COMP: variants seen among roughly 807,000 people sequenced by gnomAD.
The protein encoded by COMP is cartilage oligomeric matrix protein.
In COMP, 79 loss-of-function variants were observed where a neutral mutation model predicts 95.8. The ratio of observed to expected loss-of-function variants is 0.82; its 90% CI spans 0.69 to 0.99. The LOEUF (loss-of-function observed/expected upper bound fraction) is 0.99. Among genes scored for constraint, COMP ranks in the 50% least tolerant of loss-of-function variants. COMP has a pLI of 0.00. For missense variants in COMP, 906 were observed against 1,076.1 expected, an observed-to-expected ratio of 0.84 and a Z score of 2.21; for synonymous variants, 438 against 433.9, an observed-to-expected ratio of 1.01 and a Z score of -0.12.
At chr19:18,783,247 C>A in intron 17 of COMP, 54 bp from the exon 18 acceptor site, 1 of 1,591,748 alleles carries the variant, frequency 6.3e-7, no homozygotes. Flanking sequence ...CCTTCCCTCT[C>A]AGAGCTTCAG....
At position 18,782,965 on chromosome 19, in the gene COMP, C is replaced by T. The variant is rs1239668948; in HGVS notation, c.2228-4G>A. 2 of 1,612,608 alleles carry T rather than the reference C, an allele frequency of 1.2e-6. No homozygotes were observed. Among genetic ancestry groups the T allele is most frequent in the Non-Finnish European group, 8.5e-7 (1 of 1,179,998 alleles). On this transcript the variant is annotated splice_region_variant and splice_polypyrimidine_tract_variant and intron_variant, in intron 18 of 18. Coordinates refer to ENST00000222271, the MANE Select transcript of COMP (RefSeq NM_000095.3). ...TCATAGTCCTCTGGGATGGTGTCTGCAGGGAGAGGGCAGGCGGGTGAGGGC... is the reference window on the plus strand; with the variant it reads ...TCATAGTCCTCTGGGATGGTGTCTGTAGGGAGAGGGCAGGCGGGTGAGGGC...
rs2145905313 is a variant in COMP, at chr19:18,790,439, C to T, written c.217+123G>A. ...ATCCCATTCCCGTTCGTCCGTCCAC[C>T]TCTCCGTCAGCCTCCATCTCCTTCC... On this transcript the variant is annotated intron_variant, in intron 3 of 18. Coordinates refer to ENST00000222271, the MANE Select transcript of COMP (RefSeq NM_000095.3). The T allele has an allele frequency of 3.9e-6, 5 of 1,270,150 alleles. No individual in the cohort carries two copies. In the South Asian group the frequency reaches 5.9e-5, roughly 15 times the overall value. 78.7% of individuals were successfully genotyped at this position (1,270,150 alleles called of 1,614,324 possible).
At chr19:18,787,455 C>A in intron 10 of COMP, 36 bp downstream of exon 10, 4 of 1,606,064 alleles carry the variant, frequency 2.5e-6, no homozygotes, top group Non-Finnish European at 3.4e-6. Flanking sequence ...CGGTGCCCGC[C>A]GCCTCTCCTC....
Position 18,784,230 on chromosome 19 carries a change from C to A in COMP, c.2048G>T (p.Arg683Leu), listed in dbSNP as rs565459602. Residue 683 changes from arginine to leucine, a missense_variant, in exon 17 of 19, where the codon CGT becomes CTT. Transcript: ENST00000222271. The surrounding 1 kb of genome is among the most constrained non-coding windows in gnomAD (Gnocchi z 4.9). ...NVGWKDKKSY[R>L]WFLQHRPQVG... Reference sequence around the variant, plus strand: ...TTGGGGCCGGTGCTGCAGGAACCAACGATAGGACTTCTTGTCCTTCCAACC... The same window carrying A: ...TTGGGGCCGGTGCTGCAGGAACCAAAGATAGGACTTCTTGTCCTTCCAACC... 1.8e-5 allele frequency: 29 copies of A among 1,613,952 alleles called. No individual in the cohort carries two copies. Among genetic ancestry groups the A allele is most frequent in the Non-Finnish European group, 2.5e-5 (29 of 1,180,050 alleles).
rs763334255 is a variant in COMP, at chr19:18,784,180, G to A, written c.2087+11C>T. On this transcript the variant is annotated intron_variant, in intron 17 of 18. Coordinates refer to ENST00000222271, the MANE Select transcript of COMP (RefSeq NM_000095.3). This position sits in a 1 kb window ranked among gnomAD's most constrained non-coding sequence, Gnocchi z 4.9. The stretch of plus-strand genomic sequence containing the variant: ...CCCAGCCCAGCCCACCACAGAGGGT[G>A]GAGTCCCCACCTGATGTAGCCCACT... 3.0e-5 allele frequency: 48 copies of A among 1,612,910 alleles called. 1 individual carries two copies. In the Admixed American group the frequency reaches 7.3e-4, roughly 25 times the overall value.
intron 3 of COMP, 59 bp downstream of exon 3, chr19:18,790,503 C>T (rs1008943392): frequency 6.2e-7 from 1 of 1,604,138 alleles, no homozygotes; most frequent in Non-Finnish European, 8.5e-7. Flanking sequence ...CTCTCTGTCT[C>T]TGTCTCTGTG....
At chr19:18,787,874 C>CTTTTTCTT in intron 9 of COMP, among the ~76,000 whole-genome samples, 1 of 11,958 alleles carries the variant, frequency 8.4e-5, no homozygotes, top group South Asian at 1.8e-3. Context: ...CTCTTTCTTT[C>CTTTTTCTT]TTTCTTTCTT....
rs1278395379 is a variant in COMP at position 18,790,832 on chromosome 19, C to G, written c.165+18G>C. 6.4e-7 allele frequency: 1 copy of G among 1,554,016 alleles called. No homozygotes were observed. The highest frequency in any genetic ancestry group is 8.7e-7 in the Non-Finnish European group (1 of 1,152,730). ...TTCCGTTCCCTGGCACTCCCTGCCC[C>G]GCACCCGGGCCCCGCACCTGCTGCC... On this transcript the variant is annotated intron_variant, in intron 2 of 18. Transcript: ENST00000222271.
rs56093208 is a variant in COMP, at chr19:18,787,864, C to CTTTTTCTTTTTCTTTTTCTT, written c.976-215_976-214insAAGAAAAAGAAAAAGAAAAA. 1.2e-3 allele frequency among the ~76,000 whole-genome samples: 128 copies of CTTTTTCTTTTTCTTTTTCTT among 108,890 alleles called. 5 individuals are homozygous for CTTTTTCTTTTTCTTTTTCTT. The highest frequency in any genetic ancestry group is 2.4e-3 in the African/African-American group (68 of 28,716). The allele number at this position is 108,890 out of a possible 152,430, so 71.4% of individuals were successfully genotyped here. A position where few individuals can be genotyped will look rare whatever the true frequency, so the allele number is the denominator to read the frequency against. Reference sequence around the variant, plus strand: ...TCTTTTCTTTTTTCTTTTTCTTTTTCTCTTTCTTTCTTTCTTTCTTTCTTT... The same window carrying CTTTTTCTTTTTCTTTTTCTT: ...TCTTTTCTTTTTTCTTTTTCTTTTTCTTTTTCTTTTTCTTTTTCTTTCTTTCTTTCTTTCTTTCTTTCTTT... On this transcript the variant is annotated intron_variant, in intron 9 of 18. Transcript: ENST00000222271.
In COMP at chr19:18,788,839, C is replaced by G. The variant is rs746701204; in HGVS notation, c.603G>C (p.Arg201=). The change falls in exon 6 of 19, where the codon CGG becomes CGC. Residue 201 remains arginine (R), a splice_region_variant and synonymous_variant. Coordinates refer to ENST00000222271, the MANE Select transcript of COMP (RefSeq NM_000095.3). This position sits in a 1 kb window ranked among gnomAD's most constrained non-coding sequence, Gnocchi z 4.7. Reference sequence around the variant, plus strand: ...TTTCTTCCTCCCCAGCGGGCCTTACCCGGGTGTTGATGCACACGGAGTTGG... The same window carrying G: ...TTTCTTCCTCCCCAGCGGGCCTTACGCGGGTGTTGATGCACACGGAGTTGG... ...CVPNSVCINT[R]GSFQCGPCQP... 4.3e-6 allele frequency: 7 copies of G among 1,613,774 alleles called. No homozygotes were observed. Among genetic ancestry groups the G allele is most frequent in the Non-Finnish European group, 5.9e-6 (7 of 1,179,976 alleles).
At position 18,790,677 on chromosome 19, in the gene COMP, C is replaced by G. The variant is rs980312788; in HGVS notation, c.166-64G>C. 1.4e-5 allele frequency: 23 copies of G among 1,613,230 alleles called. No individual in the cohort carries two copies. In the African/African-American group the frequency reaches 1.7e-4, roughly 12 times the overall value. On this transcript the variant is annotated intron_variant, in intron 2 of 18. Coordinates refer to ENST00000222271, the MANE Select transcript of COMP (RefSeq NM_000095.3). ...TCCTCATCCCTCGGGTCTCCCCTCTCTCTACCCCGGGGTCCCTTTCTACAG... is the reference window on the plus strand; with the variant it reads ...TCCTCATCCCTCGGGTCTCCCCTCTGTCTACCCCGGGGTCCCTTTCTACAG...
rs867144123 is a variant in COMP, at chr19:18,789,516, G to C, written c.391-219C>G. Among the ~76,000 whole-genome samples, 1 of 152,222 alleles carries C rather than the reference G, an allele frequency of 6.6e-6. No individual in the cohort carries two copies. Among genetic ancestry groups the C allele is most frequent in the South Asian group, 2.1e-4 (1 of 4,820 alleles). On this transcript the variant is annotated intron_variant, in intron 4 of 18. Coordinates refer to ENST00000222271, the MANE Select transcript of COMP (RefSeq NM_000095.3). The surrounding 1 kb of genome is among the most constrained non-coding windows in gnomAD (Gnocchi z 6.1). ...GGAGAGCTGTTCCCTCATGGGCGAG[G>C]GGAGGAAGGATGAGGGCGGGCATCC... is the stretch of plus-strand genomic sequence containing the variant.
Position 18,791,274 on chromosome 19 carries a change from G to C in COMP, c.-5C>G. ...GCAGGCGGTGTCGGGGACCATGGCG[G>C]TGGCGGGGAGCTGGGTGGCTGCTCG... On this transcript the variant is annotated 5_prime_UTR_variant, in exon 1 of 19. Coordinates refer to ENST00000222271, the MANE Select transcript of COMP (RefSeq NM_000095.3). 6.3e-7 allele frequency: 1 copy of C among 1,590,234 alleles called. No homozygotes were observed. The highest frequency in any genetic ancestry group is 1.3e-5 in the African/African-American group (1 of 74,920).
At position 18,788,356 on chromosome 19, in the gene COMP, A is replaced by G; in HGVS notation, c.868-37T>C. The G allele has an allele frequency of 6.2e-7, 1 of 1,607,618 alleles. No homozygotes were observed. The highest frequency in any genetic ancestry group is 1.1e-5 in the South Asian group (1 of 90,986). ...CACAGAAGGTGTGAGGGGCGCGGTC[A>G]TGAAGTCCCGCCCTCCCTCCTGCCC... is the stretch of plus-strand genomic sequence containing the variant. On this transcript the variant is annotated intron_variant, in intron 8 of 18. Coordinates refer to ENST00000222271, the MANE Select transcript of COMP (RefSeq NM_000095.3). This position sits in a 1 kb window ranked among gnomAD's most constrained non-coding sequence, Gnocchi z 4.7.
intron 11 of COMP, 47 bp downstream of exon 11, chr19:18,786,485 C>T: frequency 1.3e-6 from 2 of 1,556,578 alleles, no homozygotes; most frequent in Non-Finnish European, 1.8e-6. Flanking sequence ...ATCCAACTTG[C>T]AGTTCACCCA....
chr19:18,790,492 GCT>G (rs2055204925), intron 3 of COMP, 68 bp downstream of exon 3: 2 of 1,589,358 alleles, frequency 1.3e-6, no homozygotes, highest in African/African-American at 1.3e-5. Flanking sequence ...GCTTTCCCTG[GCT>G]CTCTGTCTCT....
chr19:18,786,047 G>A lies in COMP; in HGVS notation c.1407C>T (p.Asp469=), dbSNP rs761508334. ...SDHDGQGDAC[D]DDDDNDGVPD... ...GGACTCCGTCATTGTCGTCGTCGTC[G>A]TCGCAGGCATCACCCTGGCCATCGT... Residue 469 remains aspartate, a synonymous_variant, in exon 13 of 19, where the codon GAC becomes GAT. Coordinates refer to ENST00000222271, the MANE Select transcript of COMP (RefSeq NM_000095.3). The A allele has an allele frequency of 7.4e-6, 12 of 1,613,770 alleles. 1 individual carries two copies. The South Asian group carries it at 9.9e-5, about 13-fold the overall frequency.
chr19:18,784,238 C>A lies in COMP; in HGVS notation c.2040G>T (p.Lys680Asn). Residue 680 changes from lysine to asparagine, a missense_variant, in exon 17 of 19, where the codon AAG becomes AAT. Lys to Asn is a moderately conservative substitution (Grantham distance 94). Transcript: ENST00000222271. The surrounding 1 kb of genome is among the most constrained non-coding windows in gnomAD (Gnocchi z 4.9). ...GGTGCTGCAGGAACCAACGATAGGA[C>A]TTCTTGTCCTTCCAACCCACGTTTC... ...DPRNVGWKDK[K>N]SYRWFLQHRP... 2 of 1,614,092 alleles carry A rather than the reference C, an allele frequency of 1.2e-6. No homozygotes were observed. The highest frequency in any genetic ancestry group is 8.5e-7 in the Non-Finnish European group (1 of 1,180,028).
chr19:18,789,321 G>T lies in COMP; in HGVS notation c.391-24C>A. On this transcript the variant is annotated intron_variant, in intron 4 of 18. Coordinates refer to ENST00000222271, the MANE Select transcript of COMP (RefSeq NM_000095.3). This position sits in a 1 kb window ranked among gnomAD's most constrained non-coding sequence, Gnocchi z 6.1. ...CACTGGGGGAGGAGGGGCCACAGAG[G>T]GTCAGAGGGCTTCGAGCTGGGCCCT... 6.8e-7 allele frequency: 1 copy of T among 1,462,882 alleles called. No individual in the cohort carries two copies. The highest frequency in any genetic ancestry group is 9.0e-7 in the Non-Finnish European group (1 of 1,108,352). The allele number at this position is 1,462,882 out of a possible 1,614,324, so 90.6% of individuals were successfully genotyped here.
Sources: allele counts gnomAD v4.1 joint callset (sites outside exome capture counted in the v4.1 genomes callset), GRCh38; gene constraint gnomAD v4.1.1; non-coding constraint Gnocchi (gnomAD v3.1); transcripts MANE v1.5; gene names NCBI Gene and HGNC (gene_info 2026-07-23, HGNC 2026-07-21).